Variants in HEATR4 observed in about 807,000 individuals in gnomAD.
The protein encoded by HEATR4 is HEAT repeat-containing protein 4.
In HEATR4, 95 loss-of-function variants were observed where a neutral mutation model predicts 108.8. The observed-to-expected ratio is 0.87, with a 90% confidence interval of 0.74 to 1.04. HEATR4 has a LOEUF of 1.04. HEATR4 is among the 50% of genes least tolerant of loss of function. HEATR4 has a pLI of 0.00. For synonymous variants in HEATR4, 443 were observed against 459.4 expected, an observed-to-expected ratio of 0.96 and a Z score of 0.46; for missense variants, 1,152 against 1,253.8, an observed-to-expected ratio of 0.92 and a Z score of 1.23.
chr14:73,615,679 G>A, the HEATR4 span, among the ~76,000 whole-genome samples: 1 of 152,222 alleles, frequency 6.6e-6, no homozygotes, highest in Middle Eastern at 3.4e-3. Context: ...GTTGCAGTGA[G>A]CCGAGATCGC....
the HEATR4 span, among the ~76,000 whole-genome samples, chr14:73,606,041 A>G: frequency 6.6e-6 from 1 of 152,142 alleles, no homozygotes; most frequent in East Asian, 1.9e-4. Context: ...GAACAGCTTC[A>G]ATTCCCTGTG....
chr14:73,569,796 C>T, the HEATR4 span: 28,889 of 1,603,068 alleles, frequency 0.018, 780 homozygotes, highest in Middle Eastern at 0.021. Flanking sequence ...GTGCCAGACG[C>T]GGCACGAGCG....
chr14:73,550,007 C>G (rs1170196896), intron 1 of HEATR4, among the ~76,000 whole-genome samples: 1 of 97,618 alleles, frequency 1.0e-5, no homozygotes, highest in African/African-American at 3.4e-5. Context: ...GAAATCAGCC[C>G]AGCTTGCAGC....
the HEATR4 span, chr14:73,569,375 G>A: frequency 1.2e-6 from 2 of 1,613,976 alleles, no homozygotes; most frequent in Non-Finnish European, 1.7e-6. Flanking sequence ...CGCAGTTCCT[G>A]GGGTCTCCAC....
At chr14:73,521,078 G>T (rs759950544) in intron 3 of HEATR4, 39 bp from the exon 4 acceptor site, 1 of 1,550,368 alleles carries the variant, frequency 6.5e-7, no homozygotes, top group Admixed American at 1.7e-5. Context: ...GGGGGAAAGA[G>T]TAGGAGGTGG....
the HEATR4 span, among the ~76,000 whole-genome samples, chr14:73,590,226 G>A: frequency 6.6e-6 from 1 of 152,144 alleles, no homozygotes; most frequent in African/African-American, 2.4e-5. Flanking sequence ...TGATTGGTTC[G>A]TTTACAATCC....
At chr14:73,591,915 C>T in the HEATR4 span, 6 of 1,343,812 alleles carry the variant, frequency 4.5e-6, no homozygotes, top group African/African-American at 3.1e-5. Context: ...CGATCTTGGA[C>T]GGGTCTCGGG....
In HEATR4 at chr14:73,492,384, G is replaced by T; in HGVS notation, c.2844+682C>A. ...GTGGAGTTTCGGAGGGGTCTGCCCC[G>T]AGACTTCATGGATTACATGGGGGCC... On this transcript the variant is annotated intron_variant, in intron 17 of 17. Transcript: ENST00000553558. The surrounding 1 kb of genome is among the most constrained non-coding windows in gnomAD (Gnocchi z 4.9). The T allele has an allele frequency of 6.2e-7, 1 of 1,613,868 alleles. No homozygotes were observed. The highest frequency in any genetic ancestry group is 8.5e-7 in the Non-Finnish European group (1 of 1,179,796).
the HEATR4 span, chr14:73,617,008 G>T: frequency 2.7e-6 from 2 of 740,508 alleles, no homozygotes; most frequent in East Asian, 5.1e-5. Flanking sequence ...CCCTTTCCTG[G>T]GATCATTGAT....
the HEATR4 span, among the ~76,000 whole-genome samples, chr14:73,567,156 G>A: frequency 2.0e-5 from 3 of 151,974 alleles, no homozygotes; most frequent in African/African-American, 4.8e-5. Context: ...AGGTTGGTGC[G>A]AAACTCCTGG....
the HEATR4 span, among the ~76,000 whole-genome samples, chr14:73,578,299 G>A: frequency 9.1e-4 from 126 of 138,546 alleles, no homozygotes; most frequent in African/African-American, 2.6e-3. Context: ...ACATGATCTC[G>A]GCTCACTACA....
intron 15 of HEATR4, among the ~76,000 whole-genome samples, chr14:73,495,639 G>C (rs565891243): frequency 2.0e-4 from 30 of 152,046 alleles, no homozygotes; most frequent in Non-Finnish European, 3.5e-4. Context: ...TGGTACATAA[G>C]TGCCTGAGAA....
intron 16 of HEATR4, among the ~76,000 whole-genome samples, chr14:73,494,853 G>A (rs750167129): frequency 6.6e-5 from 10 of 152,126 alleles, no homozygotes; most frequent in Middle Eastern, 3.4e-3. Flanking sequence ...GCGCCACCAC[G>A]CCCAACCACC....
At chr14:73,502,668 C>T (rs919862904) in intron 11 of HEATR4, among the ~76,000 whole-genome samples, 4 of 152,150 alleles carry the variant, frequency 2.6e-5, no homozygotes, top group African/African-American at 9.7e-5. Flanking sequence ...CTGTCTCAGC[C>T]TCCCGAGTAG....
At chr14:73,597,234 G>A in the HEATR4 span, among the ~76,000 whole-genome samples, 6 of 151,774 alleles carry the variant, frequency 4.0e-5, no homozygotes, top group Admixed American at 3.9e-4. Flanking sequence ...ACAGGTGCCC[G>A]CCACCACGCC....
At chr14:73,562,381 C>T (rs1217431256), upstream of HEATR4, among the ~76,000 whole-genome samples, 1 of 152,072 alleles carries the variant, frequency 6.6e-6, no homozygotes, top group Non-Finnish European at 1.5e-5. Context: ...CTCAGGACCA[C>T]TGTGATAATT....
rs1460955387 is a variant in HEATR4, at chr14:73,492,665, A to G, written c.2844+401T>C. 3 of 1,613,878 alleles carry G rather than the reference A, an allele frequency of 1.9e-6. No homozygotes were observed. Among genetic ancestry groups the G allele is most frequent in the Admixed American group, 3.3e-5 (2 of 60,002 alleles). On this transcript the variant is annotated intron_variant, in intron 17 of 17. Transcript: ENST00000553558. The surrounding 1 kb of genome is among the most constrained non-coding windows in gnomAD (Gnocchi z 4.9). ...GTTGACAACAGAAACAGAAGTCCATATGCTTCAGGATGGGATAGCTCGGCT... is the reference window on the plus strand; with the variant it reads ...GTTGACAACAGAAACAGAAGTCCATGTGCTTCAGGATGGGATAGCTCGGCT...
the HEATR4 span, chr14:73,592,481 C>G: frequency 1.4e-6 from 2 of 1,432,730 alleles, no homozygotes; most frequent in Non-Finnish European, 1.8e-6. Context: ...GTTTCCAGTG[C>G]TGATTTAGCA....
At chr14:73,542,196 C>T (rs139964022) in intron 1 of HEATR4, among the ~76,000 whole-genome samples, 3,857 of 107,418 alleles carry the variant, frequency 0.036, 1,046 homozygotes, top group African/African-American at 0.12. Context: ...TGGGGTTTCG[C>T]CATGTTGGCC....
Sources: allele counts gnomAD v4.1 joint callset (sites outside exome capture counted in the v4.1 genomes callset), GRCh38; gene constraint gnomAD v4.1.1; non-coding constraint Gnocchi (gnomAD v3.1); transcripts MANE v1.5; gene names NCBI Gene and HGNC (gene_info 2026-07-23, HGNC 2026-07-21).